The following CDK14 variants were observed in gnomAD, a reference collection of about 807,000 sequenced individuals.
The protein encoded by CDK14 is cyclin-dependent kinase 14.
CDK14 carries 34 observed loss-of-function variants against 60.7 expected under a neutral mutation model. That is an observed-to-expected ratio of 0.56 (90% CI 0.43 to 0.75). The LOEUF is 0.75. Ranked by LOEUF, CDK14 falls within the 30% of genes least tolerant of loss-of-function variation. The probability of loss-of-function intolerance (pLI) is 0.00; values close to 1 mark genes in which losing one functional copy is unlikely to be tolerated. For missense variants in CDK14, 482 were observed against 564.1 expected, an observed-to-expected ratio of 0.85 and a Z score of 1.47; for synonymous variants, 197 against 203.7, an observed-to-expected ratio of 0.97 and a Z score of 0.28.
At chr7:90,945,427 G>A (rs2117526250) in intron 8 of CDK14, among the ~76,000 whole-genome samples, 1 of 152,248 alleles carries the variant, frequency 6.6e-6, no homozygotes, top group South Asian at 2.1e-4. Flanking sequence ...CTCTGGGCAG[G>A]GTTAAGTATG....
At position 91,102,730 on chromosome 7, in the gene CDK14, G is replaced by GAA. The variant is rs532462955; in HGVS notation, c.1155-9801_1155-9800dup. 2.5e-4 allele frequency among the ~76,000 whole-genome samples: 34 copies of GAA among 137,702 alleles called. No homozygotes were observed. In the Middle Eastern group the frequency reaches 0.015, roughly 60 times the overall value. 90.3% of individuals were successfully genotyped at this position (137,702 alleles called of 152,430 possible). A position where few individuals can be genotyped will look rare whatever the true frequency, so the allele number is the denominator to read the frequency against. The stretch of plus-strand genomic sequence containing the variant: ...CCACTTCAAAAACCAAACCAAATCA[G>GAA]AAAAAAAAAAAAGAAAATGACATCT... On this transcript the variant is annotated intron_variant, in intron 12 of 14. Transcript: ENST00000380050.
intron 2 of CDK14, among the ~76,000 whole-genome samples, chr7:90,707,031 T>G (rs984442548): frequency 1.3e-5 from 2 of 152,032 alleles, no homozygotes; most frequent in African/African-American, 4.8e-5. Flanking sequence ...AATTGTAAGA[T>G]CTGGGCCCAG....
chr7:90,868,008 G>A (rs1012404), intron 6 of CDK14, among the ~76,000 whole-genome samples: 137,454 of 151,726 alleles, frequency 0.91, 62,340 homozygotes, highest in East Asian at 0.96. Context: ...GCATGTGCCT[G>A]CAGTCTTAGC....
intron 2 of CDK14, among the ~76,000 whole-genome samples, chr7:90,672,502 GTTTTTTTTTTTTTTTTTTTTTT>G (rs201978996): frequency 2.0e-4 from 10 of 49,996 alleles, no homozygotes; most frequent in East Asian, 6.9e-4. Flanking sequence ...TTCTTCTTCT[GTTTTTTTTTTTTTTTTTTTTTT>G]TTTTTTTTTT....
intron 3 of CDK14, among the ~76,000 whole-genome samples, chr7:90,744,272 A>G (rs1464547308): frequency 6.6e-6 from 1 of 152,152 alleles, no homozygotes; most frequent in East Asian, 1.9e-4. Context: ...ACTGCCCTTA[A>G]TCCATTTAAC....
At chr7:91,172,711 C>T (rs745741105) in intron 14 of CDK14, among the ~76,000 whole-genome samples, 97 of 152,202 alleles carry the variant, frequency 6.4e-4, no homozygotes, top group Non-Finnish European at 1.0e-3. Context: ...TCTCCTGTTC[C>T]ACCAGACTGA....
intron 5 of CDK14, among the ~76,000 whole-genome samples, chr7:90,859,124 G>C (rs543310615): frequency 6.6e-6 from 1 of 152,218 alleles, no homozygotes; most frequent in Non-Finnish European, 1.5e-5. Context: ...ACCATAGTTA[G>C]TGTCTACTTT....
intron 14 of CDK14, among the ~76,000 whole-genome samples, chr7:91,157,309 A>G (rs1427575251): frequency 6.6e-6 from 1 of 152,208 alleles, no homozygotes; most frequent in African/African-American, 2.4e-5. Flanking sequence ...CAAAGGCCCC[A>G]TAGTGCTTCT....
At chr7:90,958,638 A>C (rs1794505645) in intron 9 of CDK14, among the ~76,000 whole-genome samples, 1 of 152,140 alleles carries the variant, frequency 6.6e-6, no homozygotes, top group South Asian at 2.1e-4. Context: ...AAGGCCAATG[A>C]ATGCATCAGG....
intron 1 of CDK14, among the ~76,000 whole-genome samples, chr7:90,599,657 A>G (rs146156443): frequency 6.8e-4 from 103 of 152,316 alleles, no homozygotes; most frequent in Middle Eastern, 3.4e-3. Context: ...CTTCATGAGG[A>G]GATCGAAGAG....
intron 4 of CDK14, among the ~76,000 whole-genome samples, chr7:90,786,185 A>T (rs1006363864): frequency 6.6e-6 from 1 of 152,228 alleles, no homozygotes; most frequent in Non-Finnish European, 1.5e-5. Flanking sequence ...ATGGCTCTCT[A>T]TACAGCTTAA....
rs921080876 is a variant in CDK14, at chr7:90,671,281, G to C, written c.124-55286G>C. On this transcript the variant is annotated intron_variant, in intron 2 of 14. Transcript: ENST00000380050. ...TAGAAGCCATAGATTCTTCCTCTCA[G>C]GAGATGACTTTTTTTTTTTTCTTTT... 5.3e-5 allele frequency among the ~76,000 whole-genome samples: 8 copies of C among 151,410 alleles called. No individual in the cohort carries two copies. In the South Asian group the frequency reaches 1.7e-3, roughly 32 times the overall value.
chr7:90,630,888 A>ATGTGTG (rs55859300), intron 2 of CDK14, among the ~76,000 whole-genome samples: 161 of 148,462 alleles, frequency 1.1e-3, no homozygotes, highest in East Asian at 2.8e-3. Flanking sequence ...TGGGGTGTGT[A>ATGTGTG]TGTGTGTGTG....
chr7:91,187,263 G>A (rs1372012247), intron 14 of CDK14, among the ~76,000 whole-genome samples: 1 of 152,178 alleles, frequency 6.6e-6, no homozygotes, highest in Non-Finnish European at 1.5e-5. Context: ...ATGGGAATCA[G>A]TAGACAGCTG....
intron 1 of CDK14, chr7:90,597,133 A>C (rs1799209469): frequency 1.1e-5 from 2 of 181,354 alleles, no homozygotes; most frequent in South Asian, 2.2e-4. Context: ...GAAATTGGTG[A>C]AACGTTAGAC....
In CDK14 at chr7:90,636,153, C is replaced by T. The variant is rs1237609847; in HGVS notation, c.123+31904C>T. On this transcript the variant is annotated intron_variant, in intron 2 of 14. Coordinates refer to ENST00000380050, the MANE Select transcript of CDK14 (RefSeq NM_001287135.2). ...CCTTCTCCTGCCTAATTGCCCTGGCCAGAACTTCCAACACTATGTTGAATA... is the reference window on the plus strand; with the variant it reads ...CCTTCTCCTGCCTAATTGCCCTGGCTAGAACTTCCAACACTATGTTGAATA... 1.7e-4 allele frequency among the ~76,000 whole-genome samples: 25 copies of T among 151,362 alleles called. No homozygotes were observed. The South Asian group carries it at 5.1e-3, about 31-fold the overall frequency.
chr7:91,112,624 G>A lies in CDK14; in HGVS notation c.1237G>A (p.Ala413Thr), dbSNP rs1799497674. The A allele has an allele frequency of 6.2e-7, 1 of 1,613,626 alleles. No homozygotes were observed. Among genetic ancestry groups the A allele is most frequent in the Non-Finnish European group, 8.5e-7 (1 of 1,179,876 alleles). Residue 413 changes from alanine (A) to threonine (T), a missense_variant, in exon 13 of 15, where the codon GCC becomes ACC. Physicochemically the swap from Ala to Thr is moderately conservative, Grantham distance 58. Coordinates refer to ENST00000380050, the MANE Select transcript of CDK14 (RefSeq NM_001287135.2). Reference sequence around the variant, plus strand: ...AAAGAACAGACTGTCGGCACAGGCTGCCTTGAGCCACGAGTATTTTAGTGA... The same window carrying A: ...AAAGAACAGACTGTCGGCACAGGCTACCTTGAGCCACGAGTATTTTAGTGA... ...SPKNRLSAQA[A>T]LSHEYFSDLP...
chr7:91,034,579 A>G (rs774279116), intron 10 of CDK14, among the ~76,000 whole-genome samples: 13 of 151,986 alleles, frequency 8.6e-5, no homozygotes, highest in East Asian at 3.9e-4. Flanking sequence ...CTCTCCTTCA[A>G]TCCATCACCT....
chr7:91,130,644 T>C (rs371902605), intron 14 of CDK14, among the ~76,000 whole-genome samples: 1 of 152,184 alleles, frequency 6.6e-6, no homozygotes, highest in African/African-American at 2.4e-5. Context: ...TCAATTTTTC[T>C]AGTGTACAAT....
Sources: gnomAD v4.1 joint callset for allele counts (sites outside exome capture counted in the v4.1 genomes callset) on GRCh38, gnomAD v4.1.1 for gene constraint, MANE v1.5 for transcripts, NCBI Gene and HGNC (gene_info 2026-07-23, HGNC 2026-07-21) for gene names.